Variants in DNMT3A observed in about 807,000 individuals in gnomAD.
DNMT3A encodes DNA methyltransferase 3 alpha, also known as DNA (cytosine-5)-methyltransferase 3A.
DNMT3A carries 267 observed loss-of-function variants against 117.6 expected under a neutral mutation model. The observed-to-expected ratio is 2.27, with a 90% CI of 2.05 to 2.51. The LOEUF (loss-of-function observed/expected upper bound fraction) is 2.51, where lower values mean the gene tolerates loss of function less well. Ranked by LOEUF, DNMT3A falls within the 30% of genes most tolerant of loss-of-function variation. DNMT3A has a pLI of 0.00. For synonymous variants in DNMT3A, 432 were observed against 474.8 expected (o/e 0.91, Z 1.17); for missense variants, 1,029 against 1,260.2 (o/e 0.82, Z 2.78).
chr2:25,245,894 G>T, intron 12 of DNMT3A, 126 bp downstream of exon 12: 2 of 1,198,214 alleles, frequency 1.7e-6, no homozygotes, highest in Non-Finnish European at 2.5e-6. Flanking sequence ...CACGAAGCAC[G>T]GTGAAGGTGG....
At chr2:25,250,294 C>A (rs1675355980) in intron 6 of DNMT3A, among the ~76,000 whole-genome samples, 1 of 152,204 alleles carries the variant, frequency 6.6e-6, no homozygotes, top group South Asian at 2.1e-4. Flanking sequence ...CTCCAAGCCA[C>A]AGACCAATCT....
chr2:25,297,724 G>A (rs952420412), intron 3 of DNMT3A, among the ~76,000 whole-genome samples: 1 of 152,152 alleles, frequency 6.6e-6, no homozygotes, highest in Admixed American at 6.5e-5. Flanking sequence ...TGGCCAGGCT[G>A]GTCTCAAACT....
chr2:25,298,946 G>A lies in DNMT3A; in HGVS notation c.177+1193C>T, dbSNP rs1230260206. Among the ~76,000 whole-genome samples the A allele has an allele frequency of 6.9e-4, 37 of 53,940 alleles. 1 individual carries two copies. In the East Asian group the frequency reaches 0.01, roughly 15 times the overall value. The allele number at this position is 53,940 out of a possible 152,430, so 35.4% of individuals were successfully genotyped here. ...CCTCCAGGAACTCACCACCCCCCCC[G>A]CCTCTACTGTCCCATTTCACTTCAG... On this transcript the variant is annotated intron_variant, in intron 3 of 22. Transcript: ENST00000321117. The surrounding 1 kb of genome is among the most constrained non-coding windows in gnomAD (Gnocchi z 4.3).
chr2:25,307,388 C>A lies in DNMT3A; in HGVS notation c.72+6525G>T, dbSNP rs554136531. Among the ~76,000 whole-genome samples, 3 of 151,848 alleles carry A rather than the reference C, an allele frequency of 2.0e-5. No homozygotes were observed. The South Asian group carries it at 6.3e-4, about 32-fold the overall frequency. On this transcript the variant is annotated intron_variant, in intron 2 of 22. Coordinates refer to ENST00000321117, the MANE Select transcript of DNMT3A (RefSeq NM_022552.5). Reference sequence around the variant, plus strand: ...CACCATGTTGGCCTTGAACTCCTGACCTCAGGTGACCTGCCCACCTCAGCC... The same window carrying A: ...CACCATGTTGGCCTTGAACTCCTGAACTCAGGTGACCTGCCCACCTCAGCC...
chr2:25,239,299 C>T, intron 19 of DNMT3A, 84 bp from the exon 20 acceptor site: 5 of 1,195,748 alleles, frequency 4.2e-6, no homozygotes, highest in Non-Finnish European at 4.9e-6. Context: ...AGCCTTAAAG[C>T]CTCAAAGCCT....
rs540913716 is a variant in DNMT3A, at chr2:25,296,292, G to A, written c.177+3847C>T. Among the ~76,000 whole-genome samples, 40 of 152,260 alleles carry A rather than the reference G, an allele frequency of 2.6e-4. No individual in the cohort carries two copies. The highest frequency in any genetic ancestry group is 9.1e-4 in the African/African-American group (38 of 41,548). ...CTTCATTTTCAGGCTAGGTTCTACC[G>A]GGCTGTGGTGCTGGGGCAGGCGGAG... On this transcript the variant is annotated intron_variant, in intron 3 of 22. Coordinates refer to ENST00000321117, the MANE Select transcript of DNMT3A (RefSeq NM_022552.5). The surrounding 1 kb of genome is among the most constrained non-coding windows in gnomAD (Gnocchi z 4.2).
intron 1 of DNMT3A, chr2:25,328,531 G>C (rs1036574881): frequency 1.2e-5 from 5 of 426,922 alleles, no homozygotes; most frequent in Non-Finnish European, 2.0e-5. Flanking sequence ...AGATGTGTCT[G>C]ATTTCTCAAA....
intron 3 of DNMT3A, among the ~76,000 whole-genome samples, chr2:25,287,937 C>T (rs546951750): frequency 5.9e-5 from 9 of 151,654 alleles, no homozygotes; most frequent in Middle Eastern, 3.4e-3. Flanking sequence ...TGGGTTCAAG[C>T]GATTCTCCTG....
At position 25,314,143 on chromosome 2, in the gene DNMT3A, G is replaced by C. The variant is rs1055871190; in HGVS notation, c.-159C>G. 1.4e-6 allele frequency: 2 copies of C among 1,426,670 alleles called. No individual in the cohort carries two copies. The highest frequency in any genetic ancestry group is 2.9e-5 in the African/African-American group (2 of 69,154). The allele number at this position is 1,426,670 out of a possible 1,614,324, so 88.4% of individuals were successfully genotyped here. On this transcript the variant is annotated 5_prime_UTR_variant, in exon 2 of 23. Coordinates refer to ENST00000321117, the MANE Select transcript of DNMT3A (RefSeq NM_022552.5). ...CGGTGCCTCTGTCAGCCTGTGGGTG[G>C]GGGCTTCGATGGCTCCACCTGTGGG...
intron 6 of DNMT3A, among the ~76,000 whole-genome samples, chr2:25,253,138 G>GGGCCTCCAGGTGC (rs969542015): frequency 2.0e-5 from 3 of 152,034 alleles, no homozygotes; most frequent in Non-Finnish European, 4.4e-5. Context: ...TCCTCTCCTG[G>GGGCCTCCAGGTGC]GGCCTCCAGG....
At chr2:25,313,149 TGGTAA>T (rs2034208065) in intron 2 of DNMT3A, among the ~76,000 whole-genome samples, 1 of 152,112 alleles carries the variant, frequency 6.6e-6, no homozygotes, top group African/African-American at 2.4e-5. Context: ...GGACACAGCT[TGGTAA>T]GGTCCCAAGA....
chr2:25,303,605 T>G (rs1373701298), intron 2 of DNMT3A, among the ~76,000 whole-genome samples: 2 of 152,238 alleles, frequency 1.3e-5, no homozygotes, highest in African/African-American at 4.8e-5. Flanking sequence ...GGCCCAGCAT[T>G]CAGGCCCCGC....
At position 25,252,158 on chromosome 2, in the gene DNMT3A, C is replaced by T. The variant is rs1310109727; in HGVS notation, c.640-3906G>A. 1 of 1,553,074 alleles carries T rather than the reference C, an allele frequency of 6.4e-7. No individual in the cohort carries two copies. The highest frequency in any genetic ancestry group is 8.7e-7 in the Non-Finnish European group (1 of 1,150,110). On this transcript the variant is annotated intron_variant, in intron 6 of 22. Transcript: ENST00000321117. This position sits in a 1 kb window ranked among gnomAD's most constrained non-coding sequence, Gnocchi z 5.5. ...TCCCACCGGCCCTGCCGCCTCCCCG[C>T]CCCCGGTCTCCCCGGGGCTCCGTCC...
intron 3 of DNMT3A, among the ~76,000 whole-genome samples, chr2:25,292,993 A>C (rs2032872815): frequency 6.6e-6 from 1 of 151,988 alleles, no homozygotes; most frequent in Non-Finnish European, 1.5e-5. Context: ...ATGAAAATAA[A>C]CAGAGGGATT....
intron 16 of DNMT3A, among the ~76,000 whole-genome samples, chr2:25,242,190 C>A (rs990461844): frequency 1.3e-5 from 2 of 152,086 alleles, no homozygotes; most frequent in African/African-American, 4.8e-5. Flanking sequence ...GAGTCCCCAG[C>A]TCTGTGCATC....
intron 1 of DNMT3A, among the ~76,000 whole-genome samples, chr2:25,325,840 T>C (rs1007831363): frequency 2.0e-5 from 3 of 152,182 alleles, no homozygotes; most frequent in Admixed American, 6.5e-5. Flanking sequence ...AGAACGTCCA[T>C]GCCCAAAGGA....
intron 1 of DNMT3A, among the ~76,000 whole-genome samples, chr2:25,315,363 G>C (rs2149431209): frequency 1.3e-5 from 2 of 152,330 alleles, no homozygotes; most frequent in East Asian, 3.9e-4. Flanking sequence ...GGAGCTGGCA[G>C]GAGGAGCTTC....
At chr2:25,314,244 C>T in intron 1 of DNMT3A, 83 bp from the exon 2 acceptor site, 4 of 1,350,410 alleles carry the variant, frequency 3.0e-6, no homozygotes, top group Non-Finnish European at 3.8e-6. Flanking sequence ...CACACCTGGC[C>T]TGTGAGGCCT....
At chr2:25,272,995 A>G in intron 6 of DNMT3A, among the ~76,000 whole-genome samples, 1 of 20,884 alleles carries the variant, frequency 4.8e-5, no homozygotes, top group African/African-American at 5.1e-4. Context: ...TTTTTTTGAG[A>G]CAGAGTTTTG....
Sources: allele counts gnomAD v4.1 joint callset (sites outside exome capture counted in the v4.1 genomes callset), GRCh38; gene constraint gnomAD v4.1.1; non-coding constraint Gnocchi (gnomAD v3.1); transcripts MANE v1.5; gene names NCBI Gene and HGNC (gene_info 2026-07-23, HGNC 2026-07-21).